Variants in PLEKHA8 observed in about 807,000 individuals in gnomAD.
PLEKHA8 encodes pleckstrin homology domain containing A8.
Under a neutral mutation model 68.2 loss-of-function variants are expected in PLEKHA8, and 36 were observed. The observed-to-expected ratio is 0.53, with a 90% confidence interval of 0.40 to 0.70. The LOEUF (loss-of-function observed/expected upper bound fraction) is 0.70. PLEKHA8 is among the 30% of genes least tolerant of loss of function. The pLI, the probability that PLEKHA8 is intolerant of heterozygous loss-of-function variation, is 0.00. For missense variants in PLEKHA8, 505 were observed against 615.4 expected, an observed-to-expected ratio of 0.82 and a Z score of 1.90; for synonymous variants, 211 against 216.1, an observed-to-expected ratio of 0.98 and a Z score of 0.20.
At chr7:30,120,318 T>G (rs918021589) in intron 13 of PLEKHA8, among the ~76,000 whole-genome samples, 1 of 152,074 alleles carries the variant, frequency 6.6e-6, no homozygotes, top group Non-Finnish European at 1.5e-5. Flanking sequence ...GGGCTAACAT[T>G]TAAGGACAAA....
chr7:30,110,418 AG>A (rs1269508017), intron 13 of PLEKHA8, among the ~76,000 whole-genome samples: 1 of 152,216 alleles, frequency 6.6e-6, no homozygotes, highest in African/African-American at 2.4e-5. Flanking sequence ...TCCATTCACC[AG>A]TTAATGAGCA....
At chr7:30,114,117 T>C (rs1796354840) in intron 13 of PLEKHA8, among the ~76,000 whole-genome samples, 1 of 152,188 alleles carries the variant, frequency 6.6e-6, no homozygotes, top group South Asian at 2.1e-4. Flanking sequence ...CAGGCTGGTC[T>C]TGAACTCCTG....
intron 13 of PLEKHA8, among the ~76,000 whole-genome samples, chr7:30,121,930 C>A (rs1300127221): frequency 6.6e-6 from 1 of 152,156 alleles, no homozygotes; most frequent in African/African-American, 2.4e-5. Context: ...GAAGTGCCAT[C>A]CAACTATCTT....
Position 30,116,587 on chromosome 7 carries a change from A to G in PLEKHA8, c.1363-12679A>G, listed in dbSNP as rs1179347130. On this transcript the variant is annotated intron_variant, in intron 13 of 13. Transcript: ENST00000396257. ...AATAAAAAAGGGAATAGCTGCACTA[A>G]GAGCCCTAGAATCCTAATTAACATT... Among the ~76,000 whole-genome samples the G allele has an allele frequency of 2.0e-5, 3 of 152,214 alleles. No homozygotes were observed. The East Asian group carries it at 5.8e-4, about 29-fold the overall frequency.
At chr7:30,085,139 A>G (rs1177865135), downstream of PLEKHA8, among the ~76,000 whole-genome samples, 1 of 151,856 alleles carries the variant, frequency 6.6e-6, no homozygotes, top group Non-Finnish European at 1.5e-5. Flanking sequence ...GGGTTTCACC[A>G]TGTTGCCCAG....
intron 13 of PLEKHA8, chr7:30,129,244 T>G (rs1288413558): frequency 1.2e-6 from 2 of 1,612,714 alleles, no homozygotes; most frequent in Admixed American, 3.3e-5. Context: ...CCTCTGTCCT[T>G]CCCTCTTTTA....
chr7:30,029,124 G>A (rs1790452251), intron 1 of PLEKHA8, among the ~76,000 whole-genome samples: 1 of 152,244 alleles, frequency 6.6e-6, no homozygotes, highest in Non-Finnish European at 1.5e-5. Context: ...CCGCCGTGGG[G>A]TTCTCTGGGA....
chr7:30,081,535 GAT>G lies in PLEKHA8; in HGVS notation c.*2751_*2752del. 1 of 985,050 alleles carries G rather than the reference GAT, an allele frequency of 1.0e-6. No homozygotes were observed. Among genetic ancestry groups the G allele is most frequent in the Non-Finnish European group, 1.2e-6 (1 of 829,628 alleles). 61.0% of individuals were successfully genotyped at this position (985,050 alleles called of 1,614,324 possible). A position where few individuals can be genotyped will look rare whatever the true frequency, so the allele number is the denominator to read the frequency against. On this transcript the variant is annotated 3_prime_UTR_variant, in exon 14 of 14. Coordinates refer to ENST00000449726, the MANE Select transcript of PLEKHA8 (RefSeq NM_001197026.2). ...TTCCAAGAAGAGGGCAATGAGAAAA[GAT>G]ATTTAAAGCTTTCTCTCCATAGCCC...
intron 12 of PLEKHA8, among the ~76,000 whole-genome samples, chr7:30,071,294 C>G (rs562603577): frequency 6.6e-6 from 1 of 152,308 alleles, no homozygotes; most frequent in Non-Finnish European, 1.5e-5. Flanking sequence ...TTTGCAAGCT[C>G]TGGTGTTCTT....
Position 30,050,444 on chromosome 7 carries a change from C to T in PLEKHA8, c.608C>T (p.Pro203Leu), listed in dbSNP as rs1384574186. ...AMLKSSKMKH[P>L]IIPIHNSLER... ...TTGCTTCTTTTAAAGATGAAACATC[C>T]TATTATACCAATTCATAATTCATTG... is the stretch of plus-strand genomic sequence containing the variant. Residue 203 changes from proline (P) to leucine (L), a missense_variant, in exon 6 of 14, where the codon CCT (proline) becomes CTT (leucine). Coordinates refer to ENST00000449726, the MANE Select transcript of PLEKHA8 (RefSeq NM_001197026.2). 2 of 1,576,764 alleles carry T rather than the reference C, an allele frequency of 1.3e-6. No individual in the cohort carries two copies. Among genetic ancestry groups the T allele is most frequent in the Admixed American group, 3.8e-5 (2 of 52,082 alleles).
At chr7:30,101,167 G>T (rs1795837924) in intron 13 of PLEKHA8, among the ~76,000 whole-genome samples, 1 of 150,178 alleles carries the variant, frequency 6.7e-6, no homozygotes, top group Non-Finnish European at 1.5e-5. Flanking sequence ...GGGCAACAGA[G>T]TGAGACTTGG....
At chr7:30,086,330 C>A (rs912890394), downstream of PLEKHA8, among the ~76,000 whole-genome samples, 2 of 152,130 alleles carry the variant, frequency 1.3e-5, no homozygotes, top group Admixed American at 6.6e-5. Context: ...ACATCAATAC[C>A]GCTGGAGCAG....
In PLEKHA8 at chr7:30,078,608, C is replaced by G; in HGVS notation, c.1381C>G (p.Pro461Ala). Residue 461 changes from proline to alanine, a missense_variant, in exon 14 of 14, where the codon CCA becomes GCA. Transcript: ENST00000449726. ...TTTGCAGTTAGCTTTAAGGGCAGCT[C>G]CATCCTATGAAGATTTTGTGGCCGC... The part of the protein sequence containing the change: ...GVFALALRAA[P>A]SYEDFVAALT... The G allele has an allele frequency of 6.2e-7, 1 of 1,613,768 alleles. No individual in the cohort carries two copies. The highest frequency in any genetic ancestry group is 8.5e-7 in the Non-Finnish European group (1 of 1,179,816).
chr7:30,048,020 A>G, intron 4 of PLEKHA8, 64 bp downstream of exon 4: 2 of 937,806 alleles, frequency 2.1e-6, no homozygotes, highest in Middle Eastern at 3.9e-4. Context: ...GACTACCAGT[A>G]TATCCAATTC....
intron 13 of PLEKHA8, chr7:30,115,731 CGTATACAT>C (rs923992434): frequency 7.5e-5 from 9 of 119,564 alleles, no homozygotes; most frequent in South Asian, 2.5e-4. Context: ...CATGCATACA[CGTATACAT>C]GTATACATAC....
chr7:30,050,388 T>C, intron 5 of PLEKHA8, 46 bp from the exon 6 acceptor site: 1 of 1,542,908 alleles, frequency 6.5e-7, no homozygotes, highest in Non-Finnish European at 8.7e-7. Context: ...ATATGCTCTG[T>C]TCAAAGTTTA....
rs1794793863 is a variant in PLEKHA8, at chr7:30,079,128, C to T, written c.*341C>T. On this transcript the variant is annotated 3_prime_UTR_variant, in exon 14 of 14. Coordinates refer to ENST00000449726, the MANE Select transcript of PLEKHA8 (RefSeq NM_001197026.2). ...TTTTAGTCTAATGGGCCACCCAAACCCAAGCTGAAAATCAGCAAATTCCAT... is the reference window on the plus strand; with the variant it reads ...TTTTAGTCTAATGGGCCACCCAAACTCAAGCTGAAAATCAGCAAATTCCAT... The T allele has an allele frequency of 2.9e-6, 3 of 1,024,078 alleles. No individual in the cohort carries two copies. The highest frequency in any genetic ancestry group is 5.2e-5 in the Admixed American group (1 of 19,338). The allele number at this position is 1,024,078 out of a possible 1,614,324, so 63.4% of individuals were successfully genotyped here. A position where few individuals can be genotyped will look rare whatever the true frequency, so the allele number is the denominator to read the frequency against.
At chr7:30,040,644 C>G (rs1484629389) in intron 1 of PLEKHA8, among the ~76,000 whole-genome samples, 1 of 152,144 alleles carries the variant, frequency 6.6e-6, no homozygotes, top group Non-Finnish European at 1.5e-5. Flanking sequence ...TGGAAAAGTA[C>G]TAGGTAAATG....
Position 30,079,444 on chromosome 7 carries a change from C to T in PLEKHA8, c.*657C>T. ...GAAGATTAATGGTGTGCCCTAGCCCCAAGTTGGAGGGGAGAATATGAGAGA... is the reference window on the plus strand; with the variant it reads ...GAAGATTAATGGTGTGCCCTAGCCCTAAGTTGGAGGGGAGAATATGAGAGA... On this transcript the variant is annotated 3_prime_UTR_variant, in exon 14 of 14. Coordinates refer to ENST00000449726, the MANE Select transcript of PLEKHA8 (RefSeq NM_001197026.2). 1 of 985,290 alleles carries T rather than the reference C, an allele frequency of 1.0e-6. No homozygotes were observed. Among genetic ancestry groups the T allele is most frequent in the Non-Finnish European group, 1.2e-6 (1 of 829,918 alleles). 61.0% of individuals were successfully genotyped at this position (985,290 alleles called of 1,614,324 possible).
Sources: gnomAD v4.1 joint callset for allele counts (sites outside exome capture counted in the v4.1 genomes callset) on GRCh38, gnomAD v4.1.1 for gene constraint, MANE v1.5 for transcripts, NCBI Gene and HGNC (gene_info 2026-07-23, HGNC 2026-07-21) for gene names.